Variants in NCOR1 observed in about 807,000 individuals in gnomAD.
The protein encoded by NCOR1 is nuclear receptor corepressor 1, also known as protein phosphatase 1, regulatory subunit 109.
Under a neutral mutation model 288.1 loss-of-function variants are expected in NCOR1, and 63 were observed. The ratio of observed to expected loss-of-function variants is 0.22; its 90% CI spans 0.18 to 0.27. NCOR1 has a LOEUF of 0.27. Among genes scored for constraint, NCOR1 ranks in the 10% least tolerant of loss-of-function variants. The probability of loss-of-function intolerance (pLI) is 1.00; values close to 1 mark genes in which losing one functional copy is unlikely to be tolerated. For synonymous variants in NCOR1, 1,007 were observed against 1,065.9 expected (o/e 0.94, Z 1.08); for missense variants, 2,397 against 3,019.2 (o/e 0.79, Z 4.83).
At position 16,073,898 on chromosome 17, in the gene NCOR1, G is replaced by A. The variant is rs2152754173; in HGVS notation, c.3671-329C>T. On this transcript the variant is annotated intron_variant, in intron 27 of 45. Coordinates refer to ENST00000268712, the MANE Select transcript of NCOR1 (RefSeq NM_006311.4). ...GAGAAGTATAATGTGCTATGAAAAT[G>A]CTAGGAGAGAAACCTAACACCTCCA... 1.3e-5 allele frequency among the ~76,000 whole-genome samples: 2 copies of A among 152,352 alleles called. 1 individual carries two copies. The highest frequency in any genetic ancestry group is 4.1e-4 in the South Asian group (2 of 4,832).
At chr17:16,117,032 T>C (rs1349290556) in intron 18 of NCOR1, among the ~76,000 whole-genome samples, 1 of 152,230 alleles carries the variant, frequency 6.6e-6, no homozygotes. Flanking sequence ...CTTGACCTCA[T>C]GGAATCATCA....
chr17:16,205,611 G>A (rs1247472021), intron 1 of NCOR1, among the ~76,000 whole-genome samples: 1 of 136,210 alleles, frequency 7.3e-6, no homozygotes, highest in South Asian at 2.4e-4. Context: ...ACAAGAGCGA[G>A]GCTCTGTCTA....
chr17:16,105,394 G>A (rs4791661), intron 19 of NCOR1, among the ~76,000 whole-genome samples: 63,446 of 151,824 alleles, frequency 0.42, 15,107 homozygotes, highest in Middle Eastern at 0.55. Context: ...TCCAGCCTAG[G>A]TGACACAGCG....
At chr17:16,058,403 C>A in intron 38 of NCOR1, 68 bp downstream of exon 38, 1 of 1,576,050 alleles carries the variant, frequency 6.3e-7, no homozygotes, top group Non-Finnish European at 8.6e-7. Flanking sequence ...ATGGTCTAGA[C>A]AGATAATTAG....
chr17:16,145,476 G>A (rs2077783204), intron 10 of NCOR1, among the ~76,000 whole-genome samples: 2 of 139,228 alleles, frequency 1.4e-5, no homozygotes, highest in African/African-American at 5.0e-5. Context: ...CCACCGCCCC[G>A]TCTGGGATGT....
In NCOR1 at chr17:16,149,480, TA is replaced by T; in HGVS notation, c.879del (p.Phe293LeufsTer33). ...TGTTTTCTTGCATGATTTCTTCTTT[TA>T]AAAAATAAAATGAGTTTTTTCCTCA... Reference protein sequence around the residue: ...QVMRKKLILFFKRRNHARKQR... With the variant: ...QVMRKKLILFXKRRNHARKQR... On this transcript the variant is annotated frameshift_variant, in exon 9 of 46. Coordinates refer to ENST00000268712, the MANE Select transcript of NCOR1 (RefSeq NM_006311.4). LOFTEE classifies it high-confidence loss of function. The T allele has an allele frequency of 6.4e-7, 1 of 1,566,024 alleles. No individual in the cohort carries two copies. The highest frequency in any genetic ancestry group is 8.7e-7 in the Non-Finnish European group (1 of 1,148,424).
chr17:16,040,164 ATTAAAG>A (rs1462305241), intron 43 of NCOR1: 2 of 557,568 alleles, frequency 3.6e-6, no homozygotes, highest in Admixed American at 4.4e-5. Context: ...CCACACTTCT[ATTAAAG>A]TTACTCAACA....
chr17:16,087,307 G>A (rs1453347948), intron 22 of NCOR1: 4 of 1,304,072 alleles, frequency 3.1e-6, no homozygotes, highest in African/African-American at 1.5e-5. Flanking sequence ...TCTAGAGCAC[G>A]TTTGACCTCA....
At chr17:16,191,586 G>A (rs1322049505) in intron 2 of NCOR1, among the ~76,000 whole-genome samples, 4 of 112,302 alleles carry the variant, frequency 3.6e-5, no homozygotes, top group Non-Finnish European at 6.2e-5. Flanking sequence ...GAAGCTAATG[G>A]ATTTAAAAAA....
At chr17:16,088,109 A>G (rs930497218) in intron 22 of NCOR1, among the ~76,000 whole-genome samples, 45 of 132,648 alleles carry the variant, frequency 3.4e-4, no homozygotes, top group African/African-American at 1.5e-3. Context: ...CACTCATTTT[A>G]TTTATTATTT....
At chr17:16,134,925 C>T (rs926001920) in intron 14 of NCOR1, among the ~76,000 whole-genome samples, 1 of 151,968 alleles carries the variant, frequency 6.6e-6, no homozygotes, top group Non-Finnish European at 1.5e-5. Flanking sequence ...TTTGGGAGGC[C>T]GAGGCGGGCA....
At chr17:16,182,018 C>CA (rs911541684) in intron 3 of NCOR1, among the ~76,000 whole-genome samples, 3 of 150,464 alleles carry the variant, frequency 2.0e-5, no homozygotes, top group Non-Finnish European at 3.0e-5. Context: ...GCTGAAAGAT[C>CA]AAAAAAAATA....
At chr17:16,188,178 G>A (rs1001624294) in intron 2 of NCOR1, among the ~76,000 whole-genome samples, 2 of 152,078 alleles carry the variant, frequency 1.3e-5, no homozygotes, top group African/African-American at 4.8e-5. Flanking sequence ...ATCATAAACA[G>A]ATAAAATTAT....
At chr17:16,039,793 G>T in intron 43 of NCOR1, 139 bp from the exon 44 acceptor site, 1 of 745,398 alleles carries the variant, frequency 1.3e-6, no homozygotes, top group Non-Finnish European at 2.2e-6. Flanking sequence ...ACCACACAGA[G>T]ACCTTTTTTT....
chr17:16,176,056 A>C (rs1370635939), intron 3 of NCOR1, among the ~76,000 whole-genome samples: 2 of 151,790 alleles, frequency 1.3e-5, no homozygotes, highest in Non-Finnish European at 2.9e-5. Context: ...ATCTCTACTA[A>C]AAATACAAAA....
intron 18 of NCOR1, among the ~76,000 whole-genome samples, chr17:16,116,044 G>A (rs1408590767): frequency 1.3e-5 from 2 of 152,200 alleles, no homozygotes; most frequent in African/African-American, 4.8e-5. Context: ...AAAGCAAGGA[G>A]GAGCAAGTAA....
At chr17:16,055,464 A>G (rs181449093) in intron 40 of NCOR1, among the ~76,000 whole-genome samples, 1 of 152,316 alleles carries the variant, frequency 6.6e-6, no homozygotes, top group Non-Finnish European at 1.5e-5. Context: ...TATAAGCGGG[A>G]GCTAAATGGT....
In NCOR1 at chr17:16,064,069, T is replaced by C. The variant is rs1158063010; in HGVS notation, c.5220A>G (p.Pro1740=). ...AAASSDLYLR[P]GSEQPGRPGS... ...GGAAGAGCAGTGCCTTTCACTGACCTGGCCGCAGGTAGAGGTCGGAGGAAG... is the reference window on the plus strand; with the variant it reads ...GGAAGAGCAGTGCCTTTCACTGACCCGGCCGCAGGTAGAGGTCGGAGGAAG... The change falls in exon 35 of 46, where the codon CCA becomes CCG. Residue 1740 remains proline, a splice_region_variant and synonymous_variant. Transcript: ENST00000268712. 2 of 1,613,890 alleles carry C rather than the reference T, an allele frequency of 1.2e-6. No homozygotes were observed. Among genetic ancestry groups the C allele is most frequent in the Admixed American group, 3.3e-5 (2 of 59,982 alleles).
In NCOR1 at chr17:16,061,400, C is replaced by CAGCT. The variant is rs746829447; in HGVS notation, c.5878_5881dup (p.Leu1961Ter). 1 of 1,612,690 alleles carries CAGCT rather than the reference C, an allele frequency of 6.2e-7. No homozygotes were observed. The highest frequency in any genetic ancestry group is 8.5e-7 in the Non-Finnish European group (1 of 1,179,020). The stretch of plus-strand genomic sequence containing the variant: ...TGTGAAACTCGGATTGAGATACATA[C>CAGCT]AGCTACTAGAAGAGTCTGAACTTTG... On this transcript the variant is annotated stop_gained and frameshift_variant and splice_region_variant. Coordinates refer to ENST00000268712, the MANE Select transcript of NCOR1 (RefSeq NM_006311.4). LOFTEE classifies it high-confidence loss of function.
Sources: allele counts gnomAD v4.1 joint callset (sites outside exome capture counted in the v4.1 genomes callset), GRCh38; gene constraint gnomAD v4.1.1; transcripts MANE v1.5; gene names NCBI Gene and HGNC (gene_info 2026-07-23, HGNC 2026-07-21).